The following DBF4B variants were observed in gnomAD, a reference collection of about 807,000 sequenced individuals.
DBF4B encodes protein DBF4 homolog B.
A neutral mutation model predicts 53.4 loss-of-function variants in DBF4B; 49 were observed. The ratio of observed to expected loss-of-function variants is 0.92; its 90% CI spans 0.73 to 1.16. The LOEUF (loss-of-function observed/expected upper bound fraction) is 1.16. DBF4B is among the 50% of genes most tolerant of loss of function. The pLI, the probability that DBF4B is intolerant of heterozygous loss-of-function variation, is 0.00. For synonymous variants in DBF4B, 257 were observed against 288.7 expected (o/e 0.89, Z 1.11); for missense variants, 692 against 775.0 (o/e 0.89, Z 1.27).
chr17:44,722,527 C>T (rs1039712409), intron 2 of DBF4B, among the ~76,000 whole-genome samples: 35 of 152,320 alleles, frequency 2.3e-4, no homozygotes, highest in African/African-American at 5.8e-4. Context: ...CTGGCACCCC[C>T]GTGTGAATCT....
At chr17:44,715,336 G>A (rs1973230353) in intron 2 of DBF4B, among the ~76,000 whole-genome samples, 1 of 152,076 alleles carries the variant, frequency 6.6e-6, no homozygotes, top group African/African-American at 2.4e-5. Flanking sequence ...AAGTAGCTGG[G>A]ATTACAGGCA....
intron 10 of DBF4B, among the ~76,000 whole-genome samples, chr17:44,744,565 A>G (rs917686008): frequency 6.6e-6 from 1 of 152,202 alleles, no homozygotes; most frequent in Non-Finnish European, 1.5e-5. Flanking sequence ...TAAATTTGCA[A>G]TTGCTCATTT....
chr17:44,710,805 T>C (rs1332264336), intron 2 of DBF4B, among the ~76,000 whole-genome samples: 1 of 151,988 alleles, frequency 6.6e-6, no homozygotes, highest in Admixed American at 6.6e-5. Flanking sequence ...ACTCCTGGGC[T>C]CAAGCGATCA....
intron 1 of DBF4B, 51 bp downstream of exon 1, chr17:44,708,890 C>T (rs1236114984): frequency 2.6e-6 from 4 of 1,546,786 alleles, no homozygotes; most frequent in Admixed American, 4.0e-5. Flanking sequence ...TCGTTAATAG[C>T]TGAGGCGAGG....
chr17:44,734,009 A>T, intron 6 of DBF4B, 81 bp from the exon 7 acceptor site: 1 of 1,195,798 alleles, frequency 8.4e-7, no homozygotes, highest in Non-Finnish European at 1.2e-6. Context: ...CAGCGAGTTT[A>T]GTCCTGCAGC....
chr17:44,742,342 G>A (rs1354639960), intron 10 of DBF4B, among the ~76,000 whole-genome samples: 3 of 151,230 alleles, frequency 2.0e-5, no homozygotes, highest in African/African-American at 2.4e-5. Context: ...CCCGGCAGGC[G>A]GAGGTTGTAG....
intron 3 of DBF4B, among the ~76,000 whole-genome samples, chr17:44,727,209 G>A (rs1239131010): frequency 6.6e-6 from 1 of 151,476 alleles, no homozygotes; most frequent in Non-Finnish European, 1.5e-5. Context: ...CTGAGGTCAG[G>A]AGTTCTACAC....
Position 44,736,880 on chromosome 17 carries a change from C to G in DBF4B, c.667+14C>G. The G allele has an allele frequency of 4.3e-6, 7 of 1,613,738 alleles. No individual in the cohort carries two copies. Among genetic ancestry groups the G allele is most frequent in the Non-Finnish European group, 5.9e-6 (7 of 1,179,788 alleles). On this transcript the variant is annotated intron_variant, in intron 8 of 13. Coordinates refer to ENST00000315005, the MANE Select transcript of DBF4B (RefSeq NM_145663.3). ...GAACACGGAAAGGTCAGTGTGGTAGCTTTTCCTCATCTAATTGCAATCCCT... is the reference window on the plus strand; with the variant it reads ...GAACACGGAAAGGTCAGTGTGGTAGGTTTTCCTCATCTAATTGCAATCCCT...
intron 1 of DBF4B, 112 bp downstream of exon 1, chr17:44,708,951 G>A: frequency 6.9e-7 from 1 of 1,443,130 alleles, no homozygotes; most frequent in Non-Finnish European, 9.4e-7. Context: ...AGGTGCCGAA[G>A]CTGAGGAGGG....
At chr17:44,730,399 A>G (rs565002633) in intron 4 of DBF4B, among the ~76,000 whole-genome samples, 2 of 152,340 alleles carry the variant, frequency 1.3e-5, no homozygotes, top group Admixed American at 6.5e-5. Flanking sequence ...GCGCTTGGGC[A>G]GGAGTACCCT....
chr17:44,712,657 T>C (rs1454632617), intron 2 of DBF4B, among the ~76,000 whole-genome samples: 1 of 151,952 alleles, frequency 6.6e-6, no homozygotes, highest in East Asian at 1.9e-4. Context: ...GCCAGGATGG[T>C]CTCGATTGCC....
intron 8 of DBF4B, 80 bp from the exon 9 acceptor site, chr17:44,738,299 C>G: frequency 6.8e-7 from 1 of 1,471,986 alleles, no homozygotes; most frequent in South Asian, 1.3e-5. Context: ...AGCCTTCCCT[C>G]TCAGCATTTC....
chr17:44,715,653 C>G lies in DBF4B; in HGVS notation c.82+6287C>G, dbSNP rs1421790686. Among the ~76,000 whole-genome samples, 3 of 151,718 alleles carry G rather than the reference C, an allele frequency of 2.0e-5. No homozygotes were observed. The East Asian group carries it at 5.8e-4, about 29-fold the overall frequency. ...TCTTTTCTGTGTGTTTCTTTTCTTA[C>G]AGTGTCTTGTTGTGCTTAATGGATA... On this transcript the variant is annotated intron_variant, in intron 2 of 13. Coordinates refer to ENST00000315005, the MANE Select transcript of DBF4B (RefSeq NM_145663.3).
intron 2 of DBF4B, among the ~76,000 whole-genome samples, chr17:44,722,149 A>T (rs1054629725): frequency 6.6e-6 from 1 of 151,924 alleles, no homozygotes; most frequent in Non-Finnish European, 1.5e-5. Context: ...GGGAAAAAAA[A>T]AAAAGGAAAC....
At chr17:44,737,372 G>A (rs545249971) in intron 8 of DBF4B, among the ~76,000 whole-genome samples, 9 of 152,290 alleles carry the variant, frequency 5.9e-5, no homozygotes, top group African/African-American at 1.7e-4. Flanking sequence ...GCACAAGCAG[G>A]AGCTAAGAAA....
chr17:44,742,433 TAGTC>T (rs922494922), intron 10 of DBF4B, among the ~76,000 whole-genome samples: 2 of 149,526 alleles, frequency 1.3e-5, no homozygotes, highest in Non-Finnish European at 3.0e-5. Context: ...AAAAAAAAAT[TAGTC>T]AAGCGTGATG....
At chr17:44,732,495 C>T in intron 6 of DBF4B, 1 of 517,618 alleles carries the variant, frequency 1.9e-6, no homozygotes. Flanking sequence ...CTAGAACATG[C>T]CGTTTCATGT....
chr17:44,720,027 G>C, intron 2 of DBF4B: 1 of 236,380 alleles, frequency 4.2e-6, no homozygotes. Context: ...TTTTGGTTGA[G>C]GTAGCAATGA....
chr17:44,752,210 G>T lies in DBF4B; in HGVS notation c.*957G>T. ...CAGTTTCCTCGTCTTTAAGTAAGGG[G>T]CTTGGATGAGATGATTTCAGGACCC... On this transcript the variant is annotated 3_prime_UTR_variant, in exon 14 of 14. Transcript: ENST00000315005. The T allele has an allele frequency of 5.5e-6, 3 of 544,610 alleles. No individual in the cohort carries two copies. Among genetic ancestry groups the T allele is most frequent in the Non-Finnish European group, 9.9e-6 (3 of 302,104 alleles). The allele number at this position is 544,610 out of a possible 1,614,324, so 33.7% of individuals were successfully genotyped here. A position where few individuals can be genotyped will look rare whatever the true frequency, so the allele number is the denominator to read the frequency against.
Sources: gnomAD v4.1 joint callset for allele counts (sites outside exome capture counted in the v4.1 genomes callset) on GRCh38, gnomAD v4.1.1 for gene constraint, MANE v1.5 for transcripts, NCBI Gene and HGNC (gene_info 2026-07-23, HGNC 2026-07-21) for gene names.